TASP1: variants seen among roughly 807,000 people sequenced by gnomAD.
TASP1 encodes the protein threonine aspartase 1.
TASP1 carries 16 observed loss-of-function variants against 56.6 expected under a neutral mutation model. The ratio of observed to expected loss-of-function variants is 0.28; its 90% CI spans 0.19 to 0.43. The LOEUF (loss-of-function observed/expected upper bound fraction) is 0.43. TASP1 is among the 20% of genes least tolerant of loss of function. The pLI is 1.00. For missense variants in TASP1, 393 were observed against 511.6 expected (o/e 0.77, Z 2.24); for synonymous variants, 179 against 184.2 (o/e 0.97, Z 0.23).
At chr20:13,319,943 G>A in the TASP1 span, among the ~76,000 whole-genome samples, 4 of 152,182 alleles carry the variant, frequency 2.6e-5, no homozygotes, top group African/African-American at 9.7e-5. Context: ...AGCACCACCA[G>A]CATGACACAG....
chr20:13,179,406 C>CATGTGT, the TASP1 span, among the ~76,000 whole-genome samples: 9 of 143,514 alleles, frequency 6.3e-5, no homozygotes, highest in African/African-American at 2.1e-4. Flanking sequence ...GAATTATGTG[C>CATGTGT]GTGTGTGTGT....
At chr20:13,550,157 C>CACACAA (rs1444046575) in intron 8 of TASP1, among the ~76,000 whole-genome samples, 6 of 150,240 alleles carry the variant, frequency 4.0e-5, no homozygotes, top group African/African-American at 1.5e-4. Flanking sequence ...TACACACACA[C>CACACAA]ACACACACAC....
At chr20:13,235,786 C>T in the TASP1 span, among the ~76,000 whole-genome samples, 3 of 152,186 alleles carry the variant, frequency 2.0e-5, no homozygotes, top group Non-Finnish European at 4.4e-5. Context: ...ACTCACGGGG[C>T]TTGGACAATA....
the TASP1 span, among the ~76,000 whole-genome samples, chr20:13,172,200 C>T: frequency 4.1e-3 from 625 of 151,988 alleles, 3 homozygotes; most frequent in African/African-American, 0.014. Context: ...AAGTGCTAAG[C>T]GGATGAATAT....
At chr20:13,271,652 C>T in the TASP1 span, among the ~76,000 whole-genome samples, 1 of 152,184 alleles carries the variant, frequency 6.6e-6, no homozygotes, top group Non-Finnish European at 1.5e-5. Flanking sequence ...CAGAGGCAAA[C>T]TCCTAATTTT....
chr20:13,246,361 A>G, the TASP1 span, among the ~76,000 whole-genome samples: 1 of 151,768 alleles, frequency 6.6e-6, no homozygotes, highest in African/African-American at 2.4e-5. Flanking sequence ...CCACTGAGTG[A>G]ATATTGCATT....
rs1044392898 is a variant in TASP1 at position 13,538,133 on chromosome 20, G to T, written c.676-3992C>A. ...TTCTCCTGCCTCAGCTTCCCGAGTAGGGGGATTAAAGGCACCCACCACCAC... is the reference window on the plus strand; with the variant it reads ...TTCTCCTGCCTCAGCTTCCCGAGTATGGGGATTAAAGGCACCCACCACCAC... On this transcript the variant is annotated intron_variant, in intron 8 of 13. Coordinates refer to ENST00000337743, the MANE Select transcript of TASP1 (RefSeq NM_017714.3). Among the ~76,000 whole-genome samples the T allele has an allele frequency of 8.6e-5, 13 of 151,942 alleles. No homozygotes were observed. The East Asian group carries it at 2.5e-3, about 30-fold the overall frequency.
chr20:13,123,522 C>A, the TASP1 span, among the ~76,000 whole-genome samples: 1 of 152,122 alleles, frequency 6.6e-6, no homozygotes, highest in Non-Finnish European at 1.5e-5. Context: ...CATGGTCACA[C>A]GGCAGTAAGT....
chr20:13,335,980 G>A, the TASP1 span, among the ~76,000 whole-genome samples: 1 of 152,106 alleles, frequency 6.6e-6, no homozygotes, highest in Non-Finnish European at 1.5e-5. Flanking sequence ...AGTTCTCTGA[G>A]AGTCTAAGAC....
At chr20:13,449,932 G>A (rs1380705251) in intron 11 of TASP1, among the ~76,000 whole-genome samples, 1 of 152,042 alleles carries the variant, frequency 6.6e-6, no homozygotes, top group Non-Finnish European at 1.5e-5. Context: ...TACACAGGGT[G>A]TTGCATCTCA....
the TASP1 span, among the ~76,000 whole-genome samples, chr20:13,366,980 C>T: frequency 6.6e-6 from 1 of 152,170 alleles, no homozygotes; most frequent in Non-Finnish European, 1.5e-5. Flanking sequence ...ATGCTACCAC[C>T]ATTCAGCTCT....
the TASP1 span, among the ~76,000 whole-genome samples, chr20:13,125,390 T>A: frequency 1.3e-5 from 2 of 152,236 alleles, no homozygotes; most frequent in African/African-American, 4.8e-5. Flanking sequence ...TATCTGGTCC[T>A]AATATTCTGG....
chr20:13,539,567 A>G lies in TASP1; in HGVS notation c.676-5426T>C, dbSNP rs2045546286. Among the ~76,000 whole-genome samples the G allele has an allele frequency of 3.9e-5, 6 of 152,224 alleles. No individual in the cohort carries two copies. The South Asian group carries it at 1.2e-3, about 31-fold the overall frequency. On this transcript the variant is annotated intron_variant, in intron 8 of 13. Transcript: ENST00000337743. ...ACTATCTCTAAACAAGCAAAAAAAT[A>G]AACAATAAAATCTTTATACTATTTA...
chr20:13,287,998 G>C, the TASP1 span, among the ~76,000 whole-genome samples: 1 of 152,180 alleles, frequency 6.6e-6, no homozygotes. Flanking sequence ...CACATGTCTG[G>C]TGTCTGTAGT....
At chr20:13,200,996 T>G in the TASP1 span, among the ~76,000 whole-genome samples, 1 of 152,212 alleles carries the variant, frequency 6.6e-6, no homozygotes, top group African/African-American at 2.4e-5. Flanking sequence ...TTCACTAGGC[T>G]CATTTAGCCA....
At chr20:13,195,252 C>A in the TASP1 span, among the ~76,000 whole-genome samples, 3 of 152,194 alleles carry the variant, frequency 2.0e-5, no homozygotes, top group Non-Finnish European at 2.9e-5. Flanking sequence ...GGATGAATTT[C>A]CATTATACAC....
At chr20:13,426,768 T>G (rs1365993952) in intron 12 of TASP1, among the ~76,000 whole-genome samples, 1 of 152,174 alleles carries the variant, frequency 6.6e-6, no homozygotes, top group Non-Finnish European at 1.5e-5. Context: ...CTTACTGTTC[T>G]TCATTCCATC....
At chr20:13,590,895 T>C (rs763344623) in intron 4 of TASP1, among the ~76,000 whole-genome samples, 4 of 151,564 alleles carry the variant, frequency 2.6e-5, no homozygotes, top group Non-Finnish European at 5.9e-5. Flanking sequence ...AAAATAAAAA[T>C]TTTTAGAGAT....
At chr20:13,144,599 T>A in the TASP1 span, among the ~76,000 whole-genome samples, 2 of 152,206 alleles carry the variant, frequency 1.3e-5, no homozygotes, top group African/African-American at 2.4e-5. Context: ...TTATTATCAA[T>A]CATTATTTTT....
Sources: gnomAD v4.1 joint callset for allele counts (sites outside exome capture counted in the v4.1 genomes callset) on GRCh38, gnomAD v4.1.1 for gene constraint, MANE v1.5 for transcripts, NCBI Gene and HGNC (gene_info 2026-07-23, HGNC 2026-07-21) for gene names.